P4HA1: variants seen among roughly 807,000 people sequenced by gnomAD.
P4HA1 encodes the protein prolyl 4-hydroxylase subunit alpha-1.
A neutral mutation model predicts 72.8 loss-of-function variants in P4HA1; 24 were observed. The observed-to-expected ratio is 0.33, with a 90% CI of 0.24 to 0.46. The LOEUF is 0.46. P4HA1 is among the 20% of genes least tolerant of loss of function. P4HA1 has a pLI of 1.00. For synonymous variants in P4HA1, 201 were observed against 218.8 expected, an observed-to-expected ratio of 0.92 and a Z score of 0.72; for missense variants, 446 against 640.6, an observed-to-expected ratio of 0.70 and a Z score of 3.28.
At chr10:73,044,736 A>C (rs950362519) in intron 9 of P4HA1, among the ~76,000 whole-genome samples, 3 of 152,226 alleles carry the variant, frequency 2.0e-5, no homozygotes, top group Non-Finnish European at 2.9e-5. Flanking sequence ...GATCTGAAGA[A>C]AGATAAAAAG....
At chr10:73,087,634 CTT>C (rs1841950154) in intron 1 of P4HA1, among the ~76,000 whole-genome samples, 1 of 151,970 alleles carries the variant, frequency 6.6e-6, no homozygotes, top group African/African-American at 2.4e-5. Flanking sequence ...CTACTCAAAT[CTT>C]TTGCTCTTTT....
In P4HA1 at chr10:73,070,142, C is replaced by CTTTTTTTTT. The variant is rs71021546; in HGVS notation, c.326-1168_326-1160dup. 5.1e-4 allele frequency among the ~76,000 whole-genome samples: 33 copies of CTTTTTTTTT among 64,508 alleles called. 2 individuals are homozygous for CTTTTTTTTT. The highest frequency in any genetic ancestry group is 5.7e-4 in the South Asian group (1 of 1,740). 42.3% of individuals were successfully genotyped at this position (64,508 alleles called of 152,430 possible). On this transcript the variant is annotated intron_variant, in intron 4 of 14. Coordinates refer to ENST00000394890, the MANE Select transcript of P4HA1 (RefSeq NM_001017962.3). ...TATTTTGAACAGCAAGAGACCAGGC[C>CTTTTTTTTT]TTTTTTTTTTTTTTTTTTTTTTTTT...
chr10:73,020,534 G>A (rs1258786758), intron 10 of P4HA1, among the ~76,000 whole-genome samples: 1 of 152,086 alleles, frequency 6.6e-6, no homozygotes, highest in Middle Eastern at 3.2e-3. Context: ...TATTCCAAAA[G>A]ATTGAGAACG....
intron 10 of P4HA1, among the ~76,000 whole-genome samples, chr10:73,025,417 C>A (rs1840242508): frequency 6.6e-6 from 1 of 152,168 alleles, no homozygotes; most frequent in Non-Finnish European, 1.5e-5. Context: ...AATTCAACAG[C>A]CCTTCATGCT....
intron 9 of P4HA1, among the ~76,000 whole-genome samples, chr10:73,035,882 T>C (rs1432981447): frequency 1.3e-5 from 2 of 152,182 alleles, no homozygotes; most frequent in African/African-American, 4.8e-5. Flanking sequence ...TTATTTGCAT[T>C]TCTTGTTATA....
chr10:73,086,661 G>T (rs1015048369), intron 1 of P4HA1, among the ~76,000 whole-genome samples: 3 of 152,134 alleles, frequency 2.0e-5, no homozygotes, highest in African/African-American at 7.2e-5. Flanking sequence ...GGCTGGGAGC[G>T]GTGGCTCACG....
chr10:73,027,843 A>T (rs1342003290), intron 10 of P4HA1, among the ~76,000 whole-genome samples: 3 of 85,184 alleles, frequency 3.5e-5, no homozygotes, highest in Non-Finnish European at 6.3e-5. Context: ...GAAGGAAGGG[A>T]GGGAGAGAGG....
intron 3 of P4HA1, 73 bp from the exon 4 acceptor site, chr10:73,072,253 A>G (rs1037476410): frequency 1.5e-5 from 19 of 1,234,684 alleles, no homozygotes; most frequent in Non-Finnish European, 2.0e-5. Flanking sequence ...AAACGCTCAG[A>G]AAAAAAATGA....
intron 5 of P4HA1, among the ~76,000 whole-genome samples, chr10:73,064,897 T>C (rs1841385767): frequency 6.6e-6 from 1 of 151,796 alleles, no homozygotes. Context: ...AGAGACATCA[T>C]CCGTTAAACT....
intron 5 of P4HA1, among the ~76,000 whole-genome samples, chr10:73,061,562 G>T (rs935278743): frequency 6.6e-6 from 1 of 152,128 alleles, no homozygotes; most frequent in Non-Finnish European, 1.5e-5. Context: ...AGGAAATACT[G>T]TCGATTTGTT....
At chr10:73,017,987 T>TG (rs111268419) in intron 10 of P4HA1, among the ~76,000 whole-genome samples, 23,882 of 152,090 alleles carry the variant, frequency 0.16, 3,177 homozygotes, top group African/African-American at 0.34. Context: ...TGTCTTGCTC[T>TG]GGGGCCAGTA....
chr10:73,075,497 G>A (rs1841677001), intron 1 of P4HA1, among the ~76,000 whole-genome samples: 1 of 152,124 alleles, frequency 6.6e-6, no homozygotes, highest in Admixed American at 6.5e-5. Flanking sequence ...ATTACAATTA[G>A]AGTAATTGAA....
intron 9 of P4HA1, among the ~76,000 whole-genome samples, chr10:73,032,645 T>C (rs1414400556): frequency 6.6e-6 from 1 of 152,226 alleles, no homozygotes; most frequent in African/African-American, 2.4e-5. Flanking sequence ...CCCAGAATAT[T>C]CTTTTTCACT....
At chr10:73,037,547 ATATATATATATATATATATATATATTT>A (rs1167940457) in intron 9 of P4HA1, among the ~76,000 whole-genome samples, 5 of 27,590 alleles carry the variant, frequency 1.8e-4, no homozygotes, top group Middle Eastern at 0.011. Flanking sequence ...ATATATATAT[ATATATATATATATATATATATATATTT>A]TTTTTTTTTT....
intron 10 of P4HA1, among the ~76,000 whole-genome samples, chr10:73,028,345 C>CACAA (rs34854861): frequency 2.1e-5 from 3 of 146,048 alleles, no homozygotes; most frequent in African/African-American, 7.8e-5. Flanking sequence ...CACACACACA[C>CACAA]AAAATACATT....
intron 1 of P4HA1, among the ~76,000 whole-genome samples, chr10:73,084,619 T>A (rs540160196): frequency 7.9e-5 from 12 of 152,126 alleles, no homozygotes; most frequent in African/African-American, 2.9e-4. Flanking sequence ...CAGACCAAGA[T>A]TGAATTTTAT....
At chr10:73,012,517 T>TAC (rs1839928241) in intron 12 of P4HA1, among the ~76,000 whole-genome samples, 1 of 152,176 alleles carries the variant, frequency 6.6e-6, no homozygotes, top group South Asian at 2.1e-4. Context: ...TAATGTACCT[T>TAC]ACCTCCTTTT....
rs1275268885 is a variant in P4HA1 at position 73,090,104 on chromosome 10, G to T, written c.-33+6662C>A. Among the ~76,000 whole-genome samples the T allele has an allele frequency of 2.0e-5, 3 of 152,118 alleles. No homozygotes were observed. The East Asian group carries it at 5.8e-4, about 29-fold the overall frequency. ...CTGCCTCGGCCCCCCAGAGTGTTGG[G>T]ATTACAGGTGTGAGCCACTGCGCCT... On this transcript the variant is annotated intron_variant, in intron 1 of 14. Coordinates refer to ENST00000394890, the MANE Select transcript of P4HA1 (RefSeq NM_001017962.3).
Position 73,046,930 on chromosome 10 carries a change from G to A in P4HA1, c.1072C>T (p.Pro358Ser). The A allele has an allele frequency of 6.2e-7, 1 of 1,600,500 alleles. No homozygotes were observed. The change falls in exon 8 of 15, where the codon CCA becomes TCA. Residue 358 changes from proline to serine, a missense_variant. Physicochemically the swap from Pro to Ser is moderately conservative, Grantham distance 74 (BLOSUM62 -1). Transcript: ENST00000394890. ...AGAAAGAAAACATTATTTACCCTTG[G>A]TTTTGCTAGGTCTTTGACGATTTCA... is the stretch of plus-strand genomic sequence containing the variant. ...EIEIVKDLAK[P>S]RLRRATISNP...
Sources: allele counts gnomAD v4.1 joint callset (sites outside exome capture counted in the v4.1 genomes callset), GRCh38; gene constraint gnomAD v4.1.1; transcripts MANE v1.5; gene names NCBI Gene and HGNC (gene_info 2026-07-23, HGNC 2026-07-21).